The following DAB1 variants were observed in gnomAD, a reference collection of about 807,000 sequenced individuals.
DAB1 encodes DAB adaptor protein 1, also known as disabled homolog 1.
A neutral mutation model predicts 64.6 loss-of-function variants in DAB1; 15 were observed. The observed-to-expected ratio is 0.23, with a 90% CI of 0.16 to 0.36. The LOEUF (loss-of-function observed/expected upper bound fraction) is 0.36. Among genes scored for constraint, DAB1 ranks in the 10% least tolerant of loss-of-function variants. DAB1 has a pLI of 1.00. For missense variants in DAB1, 596 were observed against 706.7 expected (o/e 0.84, Z 1.78); for synonymous variants, 235 against 251.9 (o/e 0.93, Z 0.64).
At position 57,648,751 on chromosome 1, in the gene DAB1, G is replaced by C. The variant is rs985489710; in HGVS notation, n.625+841C>G. Among the ~76,000 whole-genome samples, 4 of 152,116 alleles carry C rather than the reference G, an allele frequency of 2.6e-5. No homozygotes were observed. In the East Asian group the frequency reaches 5.8e-4, roughly 22 times the overall value. ...GACCATTGTTTAATTTTCTATGCTT[G>C]TCTGGCTGGAGAAGAGATGAATATT... On this transcript the variant is annotated intron_variant and non_coding_transcript_variant, in intron 7 of 20. Coordinates refer to the DAB1 transcript ENST00000485760.
chr1:57,484,217 G>T (rs1364002617), intron 7 of DAB1, among the ~76,000 whole-genome samples: 1 of 152,172 alleles, frequency 6.6e-6, no homozygotes, highest in African/African-American at 2.4e-5. Flanking sequence ...AGGTTATCAG[G>T]GGCCAGATCA....
chr1:58,516,763 T>C (rs1646163676), intron 2 of DAB1, among the ~76,000 whole-genome samples: 1 of 152,108 alleles, frequency 6.6e-6, no homozygotes, highest in Admixed American at 6.6e-5. Flanking sequence ...CTCTCAGAAA[T>C]AGTTCCCAGT....
intron 7 of DAB1, among the ~76,000 whole-genome samples, chr1:57,579,944 AG>A (rs1259719746): frequency 1.3e-5 from 2 of 152,214 alleles, no homozygotes; most frequent in African/African-American, 2.4e-5. Flanking sequence ...AAGAAGTGTC[AG>A]GGTTGGTCAC....
At chr1:57,204,915 A>G (rs181366519) in intron 2 of DAB1, among the ~76,000 whole-genome samples, 1 of 152,332 alleles carries the variant, frequency 6.6e-6, no homozygotes, top group Non-Finnish European at 1.5e-5. Context: ...TTGAAATACC[A>G]ATAGCAATAC....
chr1:57,193,976 A>C (rs688437), intron 2 of DAB1, among the ~76,000 whole-genome samples: 29,947 of 152,168 alleles, frequency 0.2, 5,203 homozygotes, highest in African/African-American at 0.45. Flanking sequence ...TTATCCTGTG[A>C]TAGGAAGGAC....
At chr1:57,361,608 T>C (rs1206178904) in intron 1 of DAB1, among the ~76,000 whole-genome samples, 3 of 152,020 alleles carry the variant, frequency 2.0e-5, no homozygotes, top group Non-Finnish European at 4.4e-5. Context: ...GCCACTGGAA[T>C]ATGAGTAGAC....
At chr1:58,029,821 T>C (rs1646945719) in intron 5 of DAB1, among the ~76,000 whole-genome samples, 2 of 152,290 alleles carry the variant, frequency 1.3e-5, no homozygotes, top group South Asian at 4.1e-4. Context: ...TAAGTGTAAA[T>C]AAAAATTATT....
intron 4 of DAB1, among the ~76,000 whole-genome samples, chr1:58,184,307 A>G (rs1467998211): frequency 6.7e-6 from 1 of 148,420 alleles, no homozygotes; most frequent in Admixed American, 6.8e-5. Context: ...ATAATAATAT[A>G]TATTAATAAT....
intron 9 of DAB1, among the ~76,000 whole-genome samples, chr1:57,059,343 G>A (rs1650149763): frequency 2.0e-5 from 3 of 152,128 alleles, no homozygotes; most frequent in South Asian, 4.2e-4. Flanking sequence ...CAGGCTCTGT[G>A]CAGACCTAAA....
At chr1:58,202,458 T>C (rs923952634) in intron 4 of DAB1, among the ~76,000 whole-genome samples, 21 of 152,178 alleles carry the variant, frequency 1.4e-4, no homozygotes, top group African/African-American at 4.8e-4. Context: ...TCCTGAGAGG[T>C]AGGATTTATT....
chr1:58,222,779 G>A (rs1176017338), intron 4 of DAB1, among the ~76,000 whole-genome samples: 1 of 152,120 alleles, frequency 6.6e-6, no homozygotes, highest in African/African-American at 2.4e-5. Flanking sequence ...AGCTCCTTGT[G>A]TCCTTTAAAT....
chr1:57,900,735 T>A (rs769687524), intron 5 of DAB1, among the ~76,000 whole-genome samples: 1 of 152,200 alleles, frequency 6.6e-6, no homozygotes, highest in African/African-American at 2.4e-5. Flanking sequence ...CCCTTGATGA[T>A]AATTACTTCC....
At chr1:58,374,743 G>A (rs1644306722) in intron 3 of DAB1, among the ~76,000 whole-genome samples, 1 of 140,850 alleles carries the variant, frequency 7.1e-6, no homozygotes, top group Admixed American at 7.0e-5. Context: ...TTATGGGGAT[G>A]GCATTGAATC....
intron 2 of DAB1, among the ~76,000 whole-genome samples, chr1:57,253,000 T>C (rs1387950135): frequency 6.6e-6 from 1 of 152,220 alleles, no homozygotes; most frequent in African/African-American, 2.4e-5. Flanking sequence ...GAGACACCCT[T>C]GCCCTCTTTT....
intron 7 of DAB1, among the ~76,000 whole-genome samples, chr1:57,521,853 T>C (rs1181554020): frequency 6.6e-6 from 1 of 152,190 alleles, no homozygotes; most frequent in Non-Finnish European, 1.5e-5. Context: ...CTCATGCCTG[T>C]AATCCCAGCA....
intron 1 of DAB1, among the ~76,000 whole-genome samples, chr1:57,414,407 T>A (rs114556857): frequency 6.6e-6 from 1 of 152,252 alleles, no homozygotes; most frequent in Non-Finnish European, 1.5e-5. Flanking sequence ...CATTAGCATA[T>A]GTGAGCAATA....
At chr1:57,999,057 G>T (rs1374049307) in intron 5 of DAB1, among the ~76,000 whole-genome samples, 1 of 152,192 alleles carries the variant, frequency 6.6e-6, no homozygotes, top group African/African-American at 2.4e-5. Context: ...TTTGTGAGCT[G>T]CTGTGAATAT....
chr1:58,033,270 T>C (rs1209167491), intron 5 of DAB1, among the ~76,000 whole-genome samples: 3 of 152,192 alleles, frequency 2.0e-5, no homozygotes, highest in African/African-American at 7.2e-5. Context: ...CTACAGAAGA[T>C]CCTTCTGTCT....
rs146421375 is a variant in DAB1, at chr1:57,710,838, C to A, written n.552-61173G>T. On this transcript the variant is annotated intron_variant and non_coding_transcript_variant, in intron 6 of 20. Transcript: ENST00000485760. ...AAGTTGTTACTCAACTCAATCTCCACAAAAATTCAAAGGCTAGGGTTTCTC... is the reference window on the plus strand; with the variant it reads ...AAGTTGTTACTCAACTCAATCTCCAAAAAAATTCAAAGGCTAGGGTTTCTC... Among the ~76,000 whole-genome samples, 18 of 152,222 alleles carry A rather than the reference C, an allele frequency of 1.2e-4. No individual in the cohort carries two copies. The East Asian group carries it at 3.3e-3, about 28-fold the overall frequency.
Sources: allele counts gnomAD v4.1 joint callset (sites outside exome capture counted in the v4.1 genomes callset), GRCh38; gene constraint gnomAD v4.1.1; transcripts MANE v1.5; gene names NCBI Gene and HGNC (gene_info 2026-07-23, HGNC 2026-07-21).